The following MCHR2 variants were observed in gnomAD, a reference collection of about 807,000 sequenced individuals.
MCHR2 encodes melanin-concentrating hormone receptor 2.
MCHR2 carries 15 observed loss-of-function variants against 24.8 expected under a neutral mutation model. The observed-to-expected ratio is 0.60, with a 90% CI of 0.40 to 0.93. The LOEUF (loss-of-function observed/expected upper bound fraction) is 0.93, where lower values mean the gene tolerates loss of function less well. MCHR2 is among the 40% of genes least tolerant of loss of function. MCHR2 has a pLI of 0.00. For synonymous variants in MCHR2, 151 were observed against 147.6 expected (o/e 1.02, Z -0.17); for missense variants, 386 against 408.7 (o/e 0.94, Z 0.48).
chr6:99,992,004 T>C (rs1001896127), intron 1 of MCHR2, among the ~76,000 whole-genome samples: 5 of 152,150 alleles, frequency 3.3e-5, no homozygotes, highest in African/African-American at 1.2e-4. Flanking sequence ...ATCAGAATGT[T>C]AAAAATAAAT....
At chr6:99,977,356 TA>T (rs1775570876) in intron 1 of MCHR2, among the ~76,000 whole-genome samples, 1 of 152,158 alleles carries the variant, frequency 6.6e-6, no homozygotes, top group Non-Finnish European at 1.5e-5. Context: ...ATCATTTCAC[TA>T]GAGAAGTTTT....
chr6:99,921,472 T>G (rs1338890930), intron 5 of MCHR2, among the ~76,000 whole-genome samples: 2 of 152,206 alleles, frequency 1.3e-5, no homozygotes, highest in Non-Finnish European at 2.9e-5. Flanking sequence ...TTTTCGTTGT[T>G]GTTAATTTTT....
At chr6:99,938,242 T>C (rs1774704043) in intron 4 of MCHR2, among the ~76,000 whole-genome samples, 1 of 152,098 alleles carries the variant, frequency 6.6e-6, no homozygotes, top group Middle Eastern at 3.4e-3. Context: ...CTACTAATTT[T>C]GGGTTTGGTT....
chr6:99,931,559 C>G (rs775949671), intron 5 of MCHR2, among the ~76,000 whole-genome samples: 1 of 152,184 alleles, frequency 6.6e-6, no homozygotes, highest in Non-Finnish European at 1.5e-5. Context: ...AACCCTCCCC[C>G]ACCCTCGCTG....
chr6:99,920,952 T>A lies in MCHR2; in HGVS notation c.1011A>T (p.Lys337Asn), dbSNP rs773809646. 5.6e-6 allele frequency: 9 copies of A among 1,614,012 alleles called. No homozygotes were observed. The highest frequency in any genetic ancestry group is 7.6e-6 in the Non-Finnish European group (9 of 1,179,924). ...KEINNMGNTL[K>N]SHF Reference sequence around the variant, plus strand: ...TCCATGTACTTTCCTAAAAGTGTGATTTCAGAGTGTTTCCCATATTGTTGA... The same window carrying A: ...TCCATGTACTTTCCTAAAAGTGTGAATTCAGAGTGTTTCCCATATTGTTGA... The change falls in exon 6 of 6, where the codon AAA (lysine) becomes AAT (asparagine). Residue 337 changes from lysine to asparagine, a missense_variant. By Grantham distance (94) the Lys-to-Asn change is moderately conservative. Coordinates refer to ENST00000281806, the MANE Select transcript of MCHR2 (RefSeq NM_001040179.2).
chr6:99,959,851 T>C (rs974329330), intron 1 of MCHR2, among the ~76,000 whole-genome samples: 1 of 149,720 alleles, frequency 6.7e-6, no homozygotes, highest in Non-Finnish European at 1.5e-5. Flanking sequence ...ATAATAATAA[T>C]AATAGGTAAA....
chr6:99,960,686 A>G (rs552285197), intron 1 of MCHR2, among the ~76,000 whole-genome samples: 2 of 152,190 alleles, frequency 1.3e-5, no homozygotes, highest in Non-Finnish European at 2.9e-5. Flanking sequence ...CACATCTACA[A>G]CCATCTGATC....
intron 2 of MCHR2, among the ~76,000 whole-genome samples, chr6:99,951,764 G>A (rs1774969995): frequency 6.6e-6 from 1 of 152,088 alleles, no homozygotes; most frequent in African/African-American, 2.4e-5. Context: ...AAAGAGACCT[G>A]TGTTCTAAAA....
chr6:99,977,215 A>T (rs1775568095), intron 1 of MCHR2, among the ~76,000 whole-genome samples: 1 of 152,178 alleles, frequency 6.6e-6, no homozygotes, highest in Non-Finnish European at 1.5e-5. Flanking sequence ...GCATGTTCAA[A>T]ATCTCCTTTG....
chr6:99,927,843 A>G (rs1003333599), intron 5 of MCHR2, among the ~76,000 whole-genome samples: 5 of 152,092 alleles, frequency 3.3e-5, no homozygotes, highest in East Asian at 1.9e-4. Context: ...TCTCCTGCAT[A>G]ATTGCCCTGG....
intron 1 of MCHR2, among the ~76,000 whole-genome samples, chr6:99,993,077 G>A (rs970704043): frequency 3.9e-5 from 6 of 152,178 alleles, no homozygotes; most frequent in Non-Finnish European, 8.8e-5. Context: ...CTCAAATCCA[G>A]AAGATTTTGT....
intron 1 of MCHR2, among the ~76,000 whole-genome samples, chr6:99,971,826 T>C (rs1483998857): frequency 1.3e-5 from 2 of 152,162 alleles, no homozygotes; most frequent in Non-Finnish European, 2.9e-5. Context: ...AATCATGTGG[T>C]TTTTGTCTTT....
chr6:99,993,016 G>A (rs891602666), intron 1 of MCHR2, among the ~76,000 whole-genome samples: 1 of 151,896 alleles, frequency 6.6e-6, no homozygotes. Flanking sequence ...AAAACAGATT[G>A]CCTCCCCATT....
At chr6:99,991,822 A>G (rs796451747) in intron 1 of MCHR2, among the ~76,000 whole-genome samples, 12 of 151,266 alleles carry the variant, frequency 7.9e-5, no homozygotes, top group African/African-American at 2.7e-4. Context: ...AAAAAAAAAA[A>G]AAAAGAAAAG....
Position 99,942,677 on chromosome 6 carries a change from G to A in MCHR2, c.587+272C>T, listed in dbSNP as rs536997264. Among the ~76,000 whole-genome samples the A allele has an allele frequency of 7.2e-5, 11 of 152,200 alleles. No individual in the cohort carries two copies. In the South Asian group the frequency reaches 1.7e-3, roughly 23 times the overall value. On this transcript the variant is annotated intron_variant, in intron 4 of 5. Transcript: ENST00000281806. Reference sequence around the variant, plus strand: ...CCCTTGATTGCTGCATTCCCACTGCGTCTGGCTGCTATGAATGTTTAAAAT... The same window carrying A: ...CCCTTGATTGCTGCATTCCCACTGCATCTGGCTGCTATGAATGTTTAAAAT...
chr6:99,971,874 T>C (rs1582402891), intron 1 of MCHR2, among the ~76,000 whole-genome samples: 3 of 152,302 alleles, frequency 2.0e-5, no homozygotes, highest in Admixed American at 1.3e-4. Flanking sequence ...TATTGATTTA[T>C]GTATGTTGAA....
chr6:99,937,200 C>A, intron 4 of MCHR2, among the ~76,000 whole-genome samples: 1 of 151,902 alleles, frequency 6.6e-6, no homozygotes, highest in Non-Finnish European at 1.5e-5. Flanking sequence ...CCCATTATTT[C>A]TTTCTCTTGC....
chr6:99,924,636 T>C (rs969611642), intron 5 of MCHR2, among the ~76,000 whole-genome samples: 1 of 152,104 alleles, frequency 6.6e-6, no homozygotes, highest in African/African-American at 2.4e-5. Flanking sequence ...ATTTTTCAAC[T>C]TCCTTAATTT....
chr6:99,990,190 T>G (rs1775844779), intron 1 of MCHR2, among the ~76,000 whole-genome samples: 1 of 152,248 alleles, frequency 6.6e-6, no homozygotes, highest in South Asian at 2.1e-4. Context: ...GAGATTTCAG[T>G]GTTTTGCAAC....
Sources: allele counts gnomAD v4.1 joint callset (sites outside exome capture counted in the v4.1 genomes callset), GRCh38; gene constraint gnomAD v4.1.1; transcripts MANE v1.5; gene names NCBI Gene and HGNC (gene_info 2026-07-23, HGNC 2026-07-21).